HDAC9: variants seen among roughly 807,000 people sequenced by gnomAD.
HDAC9 encodes MEF-2 interacting transcription repressor (MITR) protein.
In HDAC9, 41 loss-of-function variants were observed where a neutral mutation model predicts 139.4. That is an observed-to-expected ratio of 0.29 (90% CI 0.23 to 0.38). The LOEUF is 0.38. Among genes scored for constraint, HDAC9 ranks in the 10% least tolerant of loss-of-function variants. The pLI, the probability that HDAC9 is intolerant of heterozygous loss-of-function variation, is 1.00. For missense variants in HDAC9, 1,147 were observed against 1,297.0 expected, an observed-to-expected ratio of 0.88 and a Z score of 1.78; for synonymous variants, 517 against 476.2, an observed-to-expected ratio of 1.09 and a Z score of -1.12.
At chr7:18,134,062 A>C (rs78945383) in intron 1 of HDAC9, among the ~76,000 whole-genome samples, 30,891 of 150,040 alleles carry the variant, frequency 0.21, 3,309 homozygotes, top group South Asian at 0.34. Context: ...TATAATGTTC[A>C]CCCTCCTGGA....
chr7:18,157,705 G>C (rs1290787470), intron 1 of HDAC9, among the ~76,000 whole-genome samples: 1 of 152,026 alleles, frequency 6.6e-6, no homozygotes, highest in African/African-American at 2.4e-5. Context: ...TCTTGTATGT[G>C]CTCAGTAAGG....
At chr7:18,919,715 A>G (rs1394808705) in intron 22 of HDAC9, among the ~76,000 whole-genome samples, 3 of 152,062 alleles carry the variant, frequency 2.0e-5, no homozygotes, top group Non-Finnish European at 4.4e-5. Context: ...ACCTGGAATA[A>G]CAATGTATAC....
chr7:18,168,889 T>TGTGTGTGTGTG (rs1477545915), intron 2 of HDAC9, among the ~76,000 whole-genome samples: 2 of 118,270 alleles, frequency 1.7e-5, no homozygotes, highest in African/African-American at 7.9e-5. Flanking sequence ...GTTTTTTTTT[T>TGTGTGTGTGTG]TTTTTTTTTG....
intron 14 of HDAC9, among the ~76,000 whole-genome samples, chr7:18,752,496 A>G (rs1165170692): frequency 6.6e-6 from 1 of 152,142 alleles, no homozygotes; most frequent in Non-Finnish European, 1.5e-5. Flanking sequence ...AGAAGGGGCT[A>G]TCAGAAGTTA....
intron 1 of HDAC9, among the ~76,000 whole-genome samples, chr7:18,095,220 G>T (rs1028466437): frequency 6.6e-6 from 1 of 151,948 alleles, no homozygotes; most frequent in Admixed American, 6.6e-5. Context: ...TGCTTCCCCT[G>T]ATTACTACAA....
intron 17 of HDAC9, among the ~76,000 whole-genome samples, chr7:18,821,746 C>T (rs1188540323): frequency 2.0e-5 from 3 of 152,220 alleles, no homozygotes; most frequent in Non-Finnish European, 2.9e-5. Flanking sequence ...AGGGCTCAAT[C>T]CCACAAGACT....
At chr7:18,928,614 C>T (rs1364442978) in intron 22 of HDAC9, among the ~76,000 whole-genome samples, 2 of 152,092 alleles carry the variant, frequency 1.3e-5, no homozygotes, top group African/African-American at 4.8e-5. Flanking sequence ...TTGCTTGGTG[C>T]ATGGGTACAT....
At chr7:18,437,218 T>C (rs1791284682) in intron 1 of HDAC9, among the ~76,000 whole-genome samples, 1 of 152,094 alleles carries the variant, frequency 6.6e-6, no homozygotes, top group Non-Finnish European at 1.5e-5. Context: ...TGTGTGCATG[T>C]GGTATGTGTG....
At chr7:18,109,166 A>G (rs976563019) in intron 1 of HDAC9, among the ~76,000 whole-genome samples, 1 of 152,242 alleles carries the variant, frequency 6.6e-6, no homozygotes, top group Non-Finnish European at 1.5e-5. Flanking sequence ...GAATTTCTGA[A>G]GGAACAGTGA....
intron 1 of HDAC9, among the ~76,000 whole-genome samples, chr7:18,146,482 G>A (rs543089381): frequency 1.2e-4 from 19 of 152,188 alleles, no homozygotes; most frequent in African/African-American, 3.6e-4. Context: ...TTATGTTGTG[G>A]TTGGCATTTT....
intron 12 of HDAC9, among the ~76,000 whole-genome samples, chr7:18,707,785 G>T (rs1290424119): frequency 6.6e-6 from 1 of 152,054 alleles, no homozygotes; most frequent in East Asian, 1.9e-4. Context: ...CTTAAAAGAA[G>T]AAACTTGACT....
At chr7:18,501,903 C>G (rs1421656282) in intron 2 of HDAC9, among the ~76,000 whole-genome samples, 4 of 152,146 alleles carry the variant, frequency 2.6e-5, no homozygotes, top group South Asian at 2.1e-4. Context: ...AAAGAACACT[C>G]TAGTCAAAAT....
chr7:18,848,799 C>T (rs557515837), intron 21 of HDAC9, among the ~76,000 whole-genome samples: 1 of 152,020 alleles, frequency 6.6e-6, no homozygotes, highest in African/African-American at 2.4e-5. Context: ...TTTTGCTAAA[C>T]ACTGGATACA....
At chr7:18,884,114 C>T (rs1353261101) in intron 22 of HDAC9, among the ~76,000 whole-genome samples, 2 of 152,158 alleles carry the variant, frequency 1.3e-5, no homozygotes, top group East Asian at 3.8e-4. Flanking sequence ...TTAAAGTTTA[C>T]ATAGTGCCCA....
intron 16 of HDAC9, among the ~76,000 whole-genome samples, chr7:18,775,698 T>G (rs190278829): frequency 3.6e-4 from 55 of 151,986 alleles, no homozygotes; most frequent in African/African-American, 1.3e-3. Flanking sequence ...TTTTTTTTCC[T>G]TTTCAATTCC....
At chr7:18,917,580 G>A (rs1329616619) in intron 22 of HDAC9, among the ~76,000 whole-genome samples, 1 of 151,966 alleles carries the variant, frequency 6.6e-6, no homozygotes, top group Non-Finnish European at 1.5e-5. Flanking sequence ...GATGAGAGGA[G>A]GAGGAAAAGC....
chr7:18,378,603 T>G (rs973711231), intron 1 of HDAC9, among the ~76,000 whole-genome samples: 4 of 152,040 alleles, frequency 2.6e-5, no homozygotes, highest in Admixed American at 6.5e-5. Context: ...CAAAGTGAAA[T>G]TATATATACA....
chr7:18,523,767 T>C lies in HDAC9; in HGVS notation c.22+27443T>C, dbSNP rs113172139. Reference sequence around the variant, plus strand: ...TGGGAGAGAAAGGTGCACCATCACATAGAGTAGTTAGAGTAGGTAATTTTT... The same window carrying C: ...TGGGAGAGAAAGGTGCACCATCACACAGAGTAGTTAGAGTAGGTAATTTTT... On this transcript the variant is annotated intron_variant, in intron 2 of 25. Transcript: ENST00000686413. Among the ~76,000 whole-genome samples the C allele has an allele frequency of 7.7e-3, 1,171 of 152,046 alleles. 15 individuals are homozygous for C. The highest frequency in any genetic ancestry group is 0.027 in the African/African-American group (1,103 of 41,512).
At chr7:18,221,106 C>CTTTTTTTTTTTTTTTTTTTTT (rs537033538) in intron 2 of HDAC9, among the ~76,000 whole-genome samples, 50 of 139,660 alleles carry the variant, frequency 3.6e-4, no homozygotes, top group African/African-American at 1.3e-3. Context: ...ATTTCTATTC[C>CTTTTTTTTTTTTTTTTTTTTT]TTTTTTTTTT....
Sources: allele counts gnomAD v4.1 joint callset (sites outside exome capture counted in the v4.1 genomes callset), GRCh38; gene constraint gnomAD v4.1.1; transcripts MANE v1.5; gene names NCBI Gene and HGNC (gene_info 2026-07-23, HGNC 2026-07-21).